The following NPC1 variants were observed in gnomAD, a reference collection of about 807,000 sequenced individuals.
NPC1 encodes Niemann-Pick C1 protein.
A neutral mutation model predicts 140.4 loss-of-function variants in NPC1; 85 were observed. That is an observed-to-expected ratio of 0.61 (90% CI 0.51 to 0.72). The LOEUF is 0.72. Among genes scored for constraint, NPC1 ranks in the 30% least tolerant of loss-of-function variants. The pLI is 0.00. For synonymous variants in NPC1, 656 were observed against 624.8 expected, an observed-to-expected ratio of 1.05 and a Z score of -0.74; for missense variants, 1,504 against 1,623.8, an observed-to-expected ratio of 0.93 and a Z score of 1.27.
chr18:23,558,794 C>T (rs2058992666), intron 6 of NPC1, among the ~76,000 whole-genome samples: 1 of 151,920 alleles, frequency 6.6e-6, no homozygotes, highest in Non-Finnish European at 1.5e-5. Flanking sequence ...CGTATGTGTA[C>T]GTGTGCCATG....
intron 9 of NPC1, 39 bp from the exon 10 acceptor site, chr18:23,551,766 G>C: frequency 2.2e-6 from 3 of 1,341,714 alleles, no homozygotes; most frequent in Non-Finnish European, 3.2e-6. Flanking sequence ...AGTTAGAAGG[G>C]CCTCAAGACA....
At position 23,560,223 on chromosome 18, in the gene NPC1, CTGCTTACCTGT is replaced by C. The variant is rs754327455; in HGVS notation, c.878_881+7del. ...TTTTTGCCCTGGATGACAAACAAAA[CTGCTTACCTGT>C]AGCACCACACTGCAAAAAATGCTCC... is the stretch of plus-strand genomic sequence containing the variant. On this transcript the variant is annotated splice_donor_variant and splice_donor_5th_base_variant and coding_sequence_variant and intron_variant, in exon 6 of 25. Coordinates refer to ENST00000269228, the MANE Select transcript of NPC1 (RefSeq NM_000271.5). LOFTEE classifies it high-confidence loss of function. The C allele has an allele frequency of 6.2e-7, 1 of 1,614,016 alleles. No homozygotes were observed. The highest frequency in any genetic ancestry group is 8.5e-7 in the Non-Finnish European group (1 of 1,179,972).
At chr18:23,569,632 T>G (rs2059173803) in intron 3 of NPC1, among the ~76,000 whole-genome samples, 1 of 152,218 alleles carries the variant, frequency 6.6e-6, no homozygotes, top group Admixed American at 6.5e-5. Flanking sequence ...CAGTTTTGAT[T>G]AAGAAGAAAA....
At chr18:23,538,810 C>A in intron 19 of NPC1, 139 bp from the exon 20 acceptor site, 1 of 891,650 alleles carries the variant, frequency 1.1e-6, no homozygotes, top group Non-Finnish European at 1.8e-6. Flanking sequence ...ATAATCTTTC[C>A]CCTTATCTAA....
chr18:23,516,004 GA>G (rs1567920193), intron 3 of NPC1: 1 of 1,613,970 alleles, frequency 6.2e-7, no homozygotes, highest in Admixed American at 1.7e-5. Context: ...AGGGTAAGAG[GA>G]AGCCTCCCCT....
rs751947520 is a variant in NPC1, at chr18:23,560,279, G to T, written c.833C>A (p.Ala278Glu). Residue 278 changes from alanine to glutamate, a missense_variant, in exon 6 of 25, where the codon GCG (alanine) becomes GAG (glutamate). By Grantham distance (107) the Ala-to-Glu change is moderately radical. Coordinates refer to ENST00000269228, the MANE Select transcript of NPC1 (RefSeq NM_000271.5). ...MYVIMWITYM[A>E]FLLVFFGAFF... Reference sequence around the variant, plus strand: ...TGCTCCAAAAAACACAAGCAAAAACGCCATGTAGGTGATCCACATGATGAC... The same window carrying T: ...TGCTCCAAAAAACACAAGCAAAAACTCCATGTAGGTGATCCACATGATGAC... The T allele has an allele frequency of 6.2e-7, 1 of 1,614,118 alleles. No homozygotes were observed. The highest frequency in any genetic ancestry group is 8.5e-7 in the Non-Finnish European group (1 of 1,180,032).
intron 3 of NPC1, among the ~76,000 whole-genome samples, chr18:23,514,864 C>T (rs2057958687): frequency 6.6e-6 from 1 of 152,174 alleles, no homozygotes; most frequent in Admixed American, 6.5e-5. Context: ...CTGACTTGCG[C>T]AGCAGTTCTT....
downstream of NPC1, chr18:23,530,447 G>A (rs768885449): frequency 2.5e-6 from 4 of 1,614,272 alleles, no homozygotes; most frequent in Admixed American, 1.7e-5. Flanking sequence ...CCAAGTGTTA[G>A]CTGCCTTAAG....
Position 23,544,452 on chromosome 18 carries a change from GAC to G in NPC1, c.2020_2021del (p.Val674LeufsTer14), listed in dbSNP as rs769114894. ...TCAAGGGCAACCCAATGTAGCTGAAGACACCCAAGGAGCAAGCCACCGAGCTC... is the reference window on the plus strand; with the variant it reads ...TCAAGGGCAACCCAATGTAGCTGAAGACCCAAGGAGCAAGCCACCGAGCTC... ...VLSSVACSLG[V>X]FSYIGLPLTL... is the part of the protein sequence containing the mutation. On this transcript the variant is annotated frameshift_variant, in exon 13 of 25. Coordinates refer to ENST00000269228, the MANE Select transcript of NPC1 (RefSeq NM_000271.5). LOFTEE classifies it high-confidence loss of function. The G allele has an allele frequency of 6.2e-6, 10 of 1,609,130 alleles. No homozygotes were observed. Among genetic ancestry groups the G allele is most frequent in the Non-Finnish European group, 8.5e-6 (10 of 1,178,038 alleles).
Position 23,543,509 on chromosome 18 carries a change from C to T in NPC1, c.2191G>A (p.Val731Met). ...DQQLGRVLGE[V>M]APSMFLSSFS... The stretch of plus-strand genomic sequence containing the variant: ...GATGACAGGAACATACTGGGAGCCA[C>T]TTCTCCTAGGACCCTGCCCAGCTGC... The change falls in exon 14 of 25, where the codon GTG becomes ATG. Residue 731 changes from valine to methionine, a missense_variant. By Grantham distance (21) the Val-to-Met change is conservative. Coordinates refer to ENST00000269228, the MANE Select transcript of NPC1 (RefSeq NM_000271.5). 1.9e-6 allele frequency: 3 copies of T among 1,612,500 alleles called. No individual in the cohort carries two copies. Among genetic ancestry groups the T allele is most frequent in the Non-Finnish European group, 2.5e-6 (3 of 1,179,508 alleles).
In NPC1 at chr18:23,539,936, G is replaced by C. The variant is rs780592540; in HGVS notation, c.2670C>G (p.Tyr890Ter). Residue 890 changes from tyrosine (Y) to a stop codon, truncating the protein, a stop_gained, in exon 18 of 25, where the codon TAC becomes TAG. Transcript: ENST00000269228. LOFTEE classifies it high-confidence loss of function. ...SQYLHAGPPV[Y>*]FVLEEGHDYT... Reference sequence around the variant, plus strand: ...AGTCGTGCCCTTCCTCCAGGACAAAGTACACAGGCGGACCCGCATGCAGGT... The same window carrying C: ...AGTCGTGCCCTTCCTCCAGGACAAACTACACAGGCGGACCCGCATGCAGGT... 1 of 1,614,186 alleles carries C rather than the reference G, an allele frequency of 6.2e-7. No individual in the cohort carries two copies. The highest frequency in any genetic ancestry group is 8.5e-7 in the Non-Finnish European group (1 of 1,180,024).
chr18:23,563,323 G>C (rs772322334), intron 4 of NPC1, among the ~76,000 whole-genome samples: 2 of 152,204 alleles, frequency 1.3e-5, no homozygotes, highest in Non-Finnish European at 2.9e-5. Flanking sequence ...CAGTAATGCT[G>C]CTAGAAGCAT....
chr18:23,566,828 G>T (rs1332711797), intron 4 of NPC1, among the ~76,000 whole-genome samples: 2 of 152,172 alleles, frequency 1.3e-5, no homozygotes, highest in African/African-American at 4.8e-5. Flanking sequence ...AATCTTCTGT[G>T]CTCTACTTAT....
At chr18:23,560,177 T>C in intron 6 of NPC1, 54 bp downstream of exon 6, 1 of 1,611,608 alleles carries the variant, frequency 6.2e-7, no homozygotes, top group Non-Finnish European at 8.5e-7. Flanking sequence ...AAGCTCAAAG[T>C]GCCAGTGGGC....
chr18:23,552,536 G>A (rs1311195105), intron 9 of NPC1, among the ~76,000 whole-genome samples: 1 of 152,240 alleles, frequency 6.6e-6, no homozygotes, highest in African/African-American at 2.4e-5. Flanking sequence ...GCGTGGCAAA[G>A]TGGAAGGTCT....
At chr18:23,515,557 C>G (rs1054697781) in intron 3 of NPC1, among the ~76,000 whole-genome samples, 1 of 152,198 alleles carries the variant, frequency 6.6e-6, no homozygotes, top group African/African-American at 2.4e-5. Context: ...GAGACTGAAT[C>G]TCGCTCTGTC....
rs978828447 is a variant in NPC1, at chr18:23,539,200, T to G, written c.2911+155A>C. Among the ~76,000 whole-genome samples the G allele has an allele frequency of 5.9e-5, 9 of 152,170 alleles. No homozygotes were observed. In the East Asian group the frequency reaches 7.7e-4, roughly 13 times the overall value. On this transcript the variant is annotated intron_variant, in intron 19 of 24. Transcript: ENST00000269228. ...CTGAGCCAGGAACAACATGACAATT[T>G]CAGAATGAATGACTGAGGAAAGGAA...
In NPC1 at chr18:23,586,461, A is replaced by AGCAGGC; in HGVS notation, c.-124_-119dup. ...CGCGCAGGAGGAGCGGAGGAGCAGG[A>AGCAGGC]GCAGGCGCTGACCGCGGCAGCAGGC... On this transcript the variant is annotated 5_prime_UTR_variant, in exon 1 of 25. Coordinates refer to ENST00000269228, the MANE Select transcript of NPC1 (RefSeq NM_000271.5). 1 of 1,475,060 alleles carries AGCAGGC rather than the reference A, an allele frequency of 6.8e-7. No individual in the cohort carries two copies. The highest frequency in any genetic ancestry group is 8.9e-7 in the Non-Finnish European group (1 of 1,119,818). The allele number at this position is 1,475,060 out of a possible 1,614,324, so 91.4% of individuals were successfully genotyped here.
intron 5 of NPC1, 120 bp downstream of exon 5, chr18:23,561,239 TG>T: frequency 9.8e-7 from 1 of 1,023,662 alleles, no homozygotes; most frequent in Non-Finnish European, 1.5e-6. Context: ...CTGGAACTCC[TG>T]GTCTTAAGCA....
Sources: allele counts gnomAD v4.1 joint callset (sites outside exome capture counted in the v4.1 genomes callset), GRCh38; gene constraint gnomAD v4.1.1; transcripts MANE v1.5; gene names NCBI Gene and HGNC (gene_info 2026-07-23, HGNC 2026-07-21).